The following FANCI variants were observed in gnomAD, a reference collection of about 807,000 sequenced individuals.
The protein encoded by FANCI is FA complementation group I.
A neutral mutation model predicts 176.1 loss-of-function variants in FANCI; 156 were observed. The ratio of observed to expected loss-of-function variants is 0.89; its 90% CI spans 0.78 to 1.01. The LOEUF (loss-of-function observed/expected upper bound fraction) is 1.01, where lower values mean the gene tolerates loss of function less well. FANCI is among the 50% of genes least tolerant of loss of function. The pLI is 0.00. For synonymous variants in FANCI, 613 were observed against 541.7 expected (o/e 1.13, Z -1.83); for missense variants, 1,678 against 1,534.1 (o/e 1.09, Z -1.57).
At chr15:89,269,778 C>G (rs1348892762) in intron 10 of FANCI, among the ~76,000 whole-genome samples, 1 of 151,838 alleles carries the variant, frequency 6.6e-6, no homozygotes, top group South Asian at 2.1e-4. Context: ...GAATTTTATT[C>G]CGTTTTTATA....
chr15:89,247,816 G>T (rs969389529), intron 2 of FANCI, 85 bp downstream of exon 2: 6 of 1,097,068 alleles, frequency 5.5e-6, no homozygotes, highest in Non-Finnish European at 7.0e-6. Context: ...GAAAAATTAC[G>T]CTGCTTCTTC....
At chr15:89,289,738 A>G (rs150079058) in intron 18 of FANCI, among the ~76,000 whole-genome samples, 1 of 149,872 alleles carries the variant, frequency 6.7e-6, no homozygotes, top group Non-Finnish European at 1.5e-5. Flanking sequence ...TTTTTAAGAC[A>G]GAGTTTTGCT....
At position 89,305,377 on chromosome 15, in the gene FANCI, G is replaced by C; in HGVS notation, c.3223G>C (p.Val1075Leu). Residue 1075 changes from valine (V) to leucine (L), a missense_variant, in exon 30 of 38, where the codon GTG (valine) becomes CTG (leucine). Around this residue, in one of 3 missense-constraint regions of FANCI, gnomAD observed 1,204 missense variants for 1,077.4 expected, o/e 1.12. Transcript: ENST00000310775. Reference sequence around the variant, plus strand: ...GGAGAAAACAAACCACTTTGCAATAGTGAATTTGAGAACGGCTGCCCCCAC... The same window carrying C: ...GGAGAAAACAAACCACTTTGCAATACTGAATTTGAGAACGGCTGCCCCCAC... ...EVEKTNHFAI[V>L]NLRTAAPTVC... is the part of the protein sequence containing the mutation. 3.1e-6 allele frequency: 5 copies of C among 1,614,040 alleles called. No homozygotes were observed. Among genetic ancestry groups the C allele is most frequent in the Non-Finnish European group, 4.2e-6 (5 of 1,180,048 alleles).
At chr15:89,296,219 C>A (rs1186553266) in intron 24 of FANCI, among the ~76,000 whole-genome samples, 5 of 150,374 alleles carry the variant, frequency 3.3e-5, no homozygotes, top group Admixed American at 1.3e-4. Context: ...CCACCCTGGC[C>A]TCCCAAAGTG....
intron 2 of FANCI, among the ~76,000 whole-genome samples, chr15:89,252,665 G>A (rs1457418498): frequency 6.6e-6 from 1 of 152,152 alleles, no homozygotes; most frequent in South Asian, 2.1e-4. Context: ...GCTTGAACCC[G>A]GGAGGTGGAA....
intron 9 of FANCI, among the ~76,000 whole-genome samples, chr15:89,264,834 A>G (rs996644408): frequency 6.6e-6 from 1 of 152,216 alleles, no homozygotes; most frequent in Non-Finnish European, 1.5e-5. Flanking sequence ...GCAAGTTTAA[A>G]ACCTATTTAT....
chr15:89,278,841 G>A, intron 14 of FANCI, 67 bp downstream of exon 14: 2 of 1,377,060 alleles, frequency 1.5e-6, no homozygotes, highest in Non-Finnish European at 2.0e-6. Flanking sequence ...ATAATCATTT[G>A]GTCCTGGGAA....
At position 89,285,262 on chromosome 15, in the gene FANCI, T is replaced by A. The variant is rs761495950; in HGVS notation, c.1821+44T>A. 3.1e-6 allele frequency: 5 copies of A among 1,609,036 alleles called. No homozygotes were observed. The South Asian group carries it at 4.4e-5, about 14-fold the overall frequency. ...AAGAATGTAGCAAAACCCCAACTAA[T>A]AATTTTTATTTTAGTAATTTTTTTC... On this transcript the variant is annotated intron_variant, in intron 18 of 37. Coordinates refer to ENST00000310775, the MANE Select transcript of FANCI (RefSeq NM_001113378.2).
rs1479544652 is a variant in FANCI, at chr15:89,315,411, G to A, written c.3924+22G>A. The A allele has an allele frequency of 4.0e-6, 6 of 1,512,166 alleles. No homozygotes were observed. In the Admixed American group the frequency reaches 8.4e-5, roughly 21 times the overall value. The allele number at this position is 1,512,166 out of a possible 1,614,324, so 93.7% of individuals were successfully genotyped here. On this transcript the variant is annotated intron_variant, in intron 37 of 37. Coordinates refer to ENST00000310775, the MANE Select transcript of FANCI (RefSeq NM_001113378.2). ...AGAGGTCAGTGCTGGCTTCTGTCTG[G>A]AGCCCAGCCACTCTTCCTAGCTGGT...
Position 89,303,917 on chromosome 15 carries a change from T to C in FANCI, c.3058+2T>C. On this transcript the variant is annotated splice_donor_variant, in intron 28 of 37. Transcript: ENST00000310775. LOFTEE classifies it high-confidence loss of function. ...AGATTTGCAAGGAAAACAGCCGGGG[T>C]AAGTTTACTGCCATGTTTTCCTAAA... The C allele has an allele frequency of 6.2e-7, 1 of 1,613,800 alleles. No homozygotes were observed. The highest frequency in any genetic ancestry group is 8.5e-7 in the Non-Finnish European group (1 of 1,179,722).
Position 89,276,724 on chromosome 15 carries a change from G to T in FANCI, c.1126G>T (p.Asp376Tyr), listed in dbSNP as rs769077858. ...GTGTTCTTGTAGCGTTCATAGCTGG[G>T]ACCATGTTACTCAGGGCCTCGTAGA... ...EVVKNSVHSW[D>Y]HVTQGLVELG... The change falls in exon 13 of 38, where the codon GAC (aspartate) becomes TAC (tyrosine). Residue 376 changes from aspartate to tyrosine, a missense_variant. By Grantham distance (160) the Asp-to-Tyr change is radical. This residue lies in a region of FANCI where 469 missense variants were observed against 436.9 expected (regional missense o/e 1.07). Transcript: ENST00000310775. 10 of 1,614,028 alleles carry T rather than the reference G, an allele frequency of 6.2e-6. No homozygotes were observed. The African/African-American group carries it at 1.3e-4, about 22-fold the overall frequency.
chr15:89,246,978 C>T (rs1265240859), intron 1 of FANCI, among the ~76,000 whole-genome samples: 1 of 151,408 alleles, frequency 6.6e-6, no homozygotes, highest in Non-Finnish European at 1.5e-5. Flanking sequence ...ACCGTGTTAG[C>T]CAAAATGGTC....
chr15:89,283,888 G>A (rs1006685731), intron 17 of FANCI, among the ~76,000 whole-genome samples: 7 of 151,318 alleles, frequency 4.6e-5, no homozygotes, highest in Non-Finnish European at 7.4e-5. Context: ...TCAGCCTCCC[G>A]AGTAGCTGGG....
intron 10 of FANCI, among the ~76,000 whole-genome samples, chr15:89,272,238 T>C (rs1262689613): frequency 6.6e-6 from 1 of 152,238 alleles, no homozygotes; most frequent in Non-Finnish European, 1.5e-5. Flanking sequence ...TTAACTGTTC[T>C]AATACCTTCT....
rs1161378135 is a variant in FANCI at position 89,261,712 on chromosome 15, C to T, written c.416C>T (p.Thr139Met). The T allele has an allele frequency of 8.1e-6, 13 of 1,614,024 alleles. No individual in the cohort carries two copies. Among genetic ancestry groups the T allele is most frequent in the Middle Eastern group, 1.7e-4 (1 of 6,060 alleles). The change falls in exon 5 of 38, where the codon ACG (threonine) becomes ATG (methionine). Residue 139 changes from threonine to methionine, a missense_variant. Transcript: ENST00000310775. ...LLPIILTALA[T>M]KKENLAYGKG... ...CCTATCATTCTCACTGCCCTGGCTA[C>T]GAAAAAGGAAAATCTGGCTTATGGA...
intron 34 of FANCI, among the ~76,000 whole-genome samples, 176 bp from the exon 35 acceptor site, chr15:89,312,728 A>G (rs1289568753): frequency 6.6e-6 from 1 of 152,048 alleles, no homozygotes. Context: ...GCTGAGGCAC[A>G]AGAATCACTT....
At chr15:89,304,734 C>A (rs2054649946) in intron 28 of FANCI, among the ~76,000 whole-genome samples, 1 of 152,096 alleles carries the variant, frequency 6.6e-6, no homozygotes, top group African/African-American at 2.4e-5. Flanking sequence ...ACCCCACACA[C>A]CCTGTACACA....
chr15:89,307,731 A>G (rs1259929262), intron 34 of FANCI, 59 bp downstream of exon 34: 2 of 1,613,848 alleles, frequency 1.2e-6, no homozygotes, highest in Non-Finnish European at 1.7e-6. Context: ...TTACATGCCC[A>G]GGGGACTATT....
chr15:89,308,010 T>G, intron 34 of FANCI: 2 of 1,222,456 alleles, frequency 1.6e-6, no homozygotes, highest in East Asian at 4.8e-5. Context: ...GTGAGCAGAG[T>G]AGCAGCAAGC....
Sources: gnomAD v4.1 joint callset for allele counts (sites outside exome capture counted in the v4.1 genomes callset) on GRCh38, gnomAD v4.1.1 for gene constraint, gnomAD v4.1.1 regional missense constraint, MANE v1.5 for transcripts, NCBI Gene and HGNC (gene_info 2026-07-23, HGNC 2026-07-21) for gene names.